PDE4B: variants seen among roughly 807,000 people sequenced by gnomAD.
The protein encoded by PDE4B is 3',5'-cyclic-AMP phosphodiesterase 4B.
PDE4B carries 20 observed loss-of-function variants against 82.2 expected under a neutral mutation model. That is an observed-to-expected ratio of 0.24 (90% CI 0.17 to 0.35). The LOEUF (loss-of-function observed/expected upper bound fraction) is 0.35, where lower values mean the gene tolerates loss of function less well. PDE4B is among the 10% of genes least tolerant of loss of function. PDE4B has a pLI of 1.00. For synonymous variants in PDE4B, 320 were observed against 318.9 expected (o/e 1.00, Z -0.04); for missense variants, 655 against 907.2 (o/e 0.72, Z 3.57).
chr1:66,337,231 T>C (rs1411676419), intron 8 of PDE4B, among the ~76,000 whole-genome samples: 1 of 152,196 alleles, frequency 6.6e-6, no homozygotes, highest in African/African-American at 2.4e-5. Flanking sequence ...CTGGGCCCTG[T>C]GCTGTAATCA....
At chr1:65,920,244 A>G (rs1482191969) in intron 3 of PDE4B, among the ~76,000 whole-genome samples, 1 of 152,190 alleles carries the variant, frequency 6.6e-6, no homozygotes, top group Non-Finnish European at 1.5e-5. Context: ...GTTGGTAAAT[A>G]TATGCTTTCT....
chr1:66,361,259 G>A (rs920348818), intron 9 of PDE4B, among the ~76,000 whole-genome samples: 1 of 151,974 alleles, frequency 6.6e-6, no homozygotes, highest in African/African-American at 2.4e-5. Flanking sequence ...GCCCCACATT[G>A]CAAATGTATA....
intron 1 of PDE4B, among the ~76,000 whole-genome samples, chr1:65,860,743 C>G (rs1222557082): frequency 1.3e-5 from 2 of 152,184 alleles, no homozygotes; most frequent in Admixed American, 6.5e-5. Context: ...ACTATTGTAA[C>G]TGTCATGAGA....
intron 3 of PDE4B, among the ~76,000 whole-genome samples, chr1:65,961,260 G>T (rs1649528888): frequency 6.6e-6 from 1 of 152,052 alleles, no homozygotes; most frequent in African/African-American, 2.4e-5. Context: ...TTGAATGAAA[G>T]AAAGAAACCA....
chr1:66,182,516 G>A (rs952149007), intron 3 of PDE4B, among the ~76,000 whole-genome samples: 4 of 151,580 alleles, frequency 2.6e-5, no homozygotes, highest in African/African-American at 9.8e-5. Flanking sequence ...TATTGCTAGG[G>A]AAAAAGCTGA....
At chr1:66,349,997 A>G (rs1661699108) in intron 8 of PDE4B, among the ~76,000 whole-genome samples, 1 of 152,034 alleles carries the variant, frequency 6.6e-6, no homozygotes, top group Non-Finnish European at 1.5e-5. Flanking sequence ...ATATTTGCTT[A>G]GGGCCAGAGC....
intron 3 of PDE4B, among the ~76,000 whole-genome samples, chr1:66,208,137 G>C (rs17128524): frequency 6.6e-6 from 1 of 152,060 alleles, no homozygotes; most frequent in African/African-American, 2.4e-5. Context: ...ATGCTCTCTA[G>C]GTGTGCCTCT....
At chr1:66,026,622 G>A (rs1653448996) in intron 3 of PDE4B, among the ~76,000 whole-genome samples, 1 of 152,168 alleles carries the variant, frequency 6.6e-6, no homozygotes, top group South Asian at 2.1e-4. Flanking sequence ...CTGAGGACTA[G>A]CACATAATAA....
At chr1:65,893,755 C>G (rs1174802632) in intron 1 of PDE4B, among the ~76,000 whole-genome samples, 1 of 151,978 alleles carries the variant, frequency 6.6e-6, no homozygotes, top group African/African-American at 2.4e-5. Context: ...ACCCACTGAA[C>G]AGTGACTGTT....
chr1:66,359,560 G>A (rs188101578), intron 9 of PDE4B, among the ~76,000 whole-genome samples: 1 of 152,156 alleles, frequency 6.6e-6, no homozygotes, highest in Non-Finnish European at 1.5e-5. Flanking sequence ...CTTCATTATT[G>A]CAGTGTTCCA....
chr1:65,968,981 G>A lies in PDE4B; in HGVS notation c.281+50146G>A, dbSNP rs931626303. Among the ~76,000 whole-genome samples, 6 of 152,050 alleles carry A rather than the reference G, an allele frequency of 3.9e-5. No individual in the cohort carries two copies. The East Asian group carries it at 5.8e-4, about 15-fold the overall frequency. ...ACCACATTTTGACACAGCATTGCTC[G>A]TTTTGTTCCTTTGATCTAATAGTTT... On this transcript the variant is annotated intron_variant, in intron 3 of 16. Coordinates refer to ENST00000341517, the MANE Select transcript of PDE4B (RefSeq NM_002600.4).
intron 7 of PDE4B, among the ~76,000 whole-genome samples, chr1:66,281,361 A>G (rs1656288229): frequency 6.6e-6 from 1 of 152,202 alleles, no homozygotes; most frequent in Non-Finnish European, 1.5e-5. Context: ...GGCAAAGACA[A>G]GTAACAGTGA....
chr1:65,927,814 T>A (rs1326489478), intron 3 of PDE4B, among the ~76,000 whole-genome samples: 1 of 152,138 alleles, frequency 6.6e-6, no homozygotes, highest in Non-Finnish European at 1.5e-5. Flanking sequence ...GCCCTCACCC[T>A]ACCAGTCAGG....
chr1:65,818,959 CAT>C (rs1257660386), intron 1 of PDE4B, among the ~76,000 whole-genome samples: 1 of 152,106 alleles, frequency 6.6e-6, no homozygotes, highest in Non-Finnish European at 1.5e-5. Flanking sequence ...AAAACCCCAA[CAT>C]AGTTTGTTTC....
intron 7 of PDE4B, among the ~76,000 whole-genome samples, chr1:66,321,407 A>G (rs771850750): frequency 6.6e-6 from 1 of 152,180 alleles, no homozygotes; most frequent in Non-Finnish European, 1.5e-5. Flanking sequence ...AGCTATCATC[A>G]TCTCCAGCAT....
intron 3 of PDE4B, among the ~76,000 whole-genome samples, chr1:66,056,505 TATCTATCTATCTATCTATCTATCTATC>T (rs1557529318): frequency 6.8e-5 from 5 of 73,074 alleles, no homozygotes; most frequent in South Asian, 1.3e-3. Flanking sequence ...TCTATCTATC[TATCTATCTATCTATCTATCTATCTATC>T]ATCTATCTAT....
intron 3 of PDE4B, among the ~76,000 whole-genome samples, chr1:66,132,518 A>G (rs1645970312): frequency 6.6e-6 from 1 of 152,124 alleles, no homozygotes; most frequent in Non-Finnish European, 1.5e-5. Flanking sequence ...AATTATACTG[A>G]CTTTTCTCTG....
At position 65,942,348 on chromosome 1, in the gene PDE4B, G is replaced by T. The variant is rs370607921; in HGVS notation, c.281+23513G>T. 2.6e-5 allele frequency among the ~76,000 whole-genome samples: 4 copies of T among 151,896 alleles called. 1 individual carries two copies. The East Asian group carries it at 5.8e-4, about 22-fold the overall frequency. On this transcript the variant is annotated intron_variant, in intron 3 of 16. Transcript: ENST00000341517. ...CATGTCCATCCATGTTGTCACAAAT[G>T]ACAGAAATTCCTTCTTTTTTTTTTA...
intron 3 of PDE4B, among the ~76,000 whole-genome samples, chr1:66,022,905 C>G (rs1427020903): frequency 1.3e-5 from 2 of 152,122 alleles, no homozygotes; most frequent in Non-Finnish European, 2.9e-5. Context: ...CTTTGTACCT[C>G]TGGTGGATTT....
Sources: allele counts gnomAD v4.1 joint callset (sites outside exome capture counted in the v4.1 genomes callset), GRCh38; gene constraint gnomAD v4.1.1; transcripts MANE v1.5; gene names NCBI Gene and HGNC (gene_info 2026-07-23, HGNC 2026-07-21).